CREB5: variants seen among roughly 807,000 people sequenced by gnomAD.
CREB5 encodes the protein cyclic AMP-responsive element-binding protein 5.
CREB5 carries 19 observed loss-of-function variants against 57.1 expected under a neutral mutation model. That is an observed-to-expected ratio of 0.33 (90% CI 0.23 to 0.49). CREB5 has a LOEUF of 0.49. CREB5 is among the 20% of genes least tolerant of loss of function. CREB5 has a pLI of 0.99. For missense variants in CREB5, 579 were observed against 671.6 expected (o/e 0.86, Z 1.52); for synonymous variants, 238 against 238.3 (o/e 1.00, Z 0.01).
chr7:28,732,169 G>A lies in CREB5; in HGVS notation c.702+7837G>A, dbSNP rs1048988072. Reference sequence around the variant, plus strand: ...CCCTACCTTCTCCACCCTCACAACCGGCTCCTTGTACACACACTCAGACAT... The same window carrying A: ...CCCTACCTTCTCCACCCTCACAACCAGCTCCTTGTACACACACTCAGACAT... On this transcript the variant is annotated intron_variant, in intron 7 of 10. Transcript: ENST00000357727. Among the ~76,000 whole-genome samples the A allele has an allele frequency of 2.5e-4, 38 of 151,904 alleles. No homozygotes were observed. The South Asian group carries it at 3.3e-3, about 13-fold the overall frequency.
chr7:28,664,055 A>T (rs1442131471), intron 5 of CREB5, among the ~76,000 whole-genome samples: 1 of 152,194 alleles, frequency 6.6e-6, no homozygotes, highest in Non-Finnish European at 1.5e-5. Context: ...AAGAATTTGC[A>T]TTTCTAGCAA....
chr7:28,679,796 C>T (rs1056633877), intron 5 of CREB5, among the ~76,000 whole-genome samples: 7 of 152,140 alleles, frequency 4.6e-5, no homozygotes, highest in African/African-American at 7.2e-5. Context: ...TACAAAACAG[C>T]GAATGGTCGC....
intron 5 of CREB5, among the ~76,000 whole-genome samples, chr7:28,699,638 A>G (rs1801744782): frequency 6.6e-6 from 1 of 152,238 alleles, no homozygotes. Context: ...ATTGAACTGT[A>G]TAAATGAAAA....
chr7:28,652,220 C>G (rs887910597), intron 5 of CREB5, among the ~76,000 whole-genome samples: 4 of 151,984 alleles, frequency 2.6e-5, no homozygotes, highest in African/African-American at 9.7e-5. Flanking sequence ...TTTTTCTACT[C>G]TCAATATTAG....
At chr7:28,439,899 T>C (rs988172981) in intron 1 of CREB5, among the ~76,000 whole-genome samples, 33 of 152,168 alleles carry the variant, frequency 2.2e-4, no homozygotes, top group Admixed American at 3.3e-4. Flanking sequence ...CAGAGCCTAG[T>C]AAAAAGCCTA....
At chr7:28,491,814 C>T (rs1180026932) in intron 2 of CREB5, among the ~76,000 whole-genome samples, 1 of 152,106 alleles carries the variant, frequency 6.6e-6, no homozygotes. Flanking sequence ...TGTCCTACAG[C>T]CTGGGAACCT....
chr7:28,399,311 G>A lies in CREB5; in HGVS notation c.-24-95595G>A, dbSNP rs142130846. On this transcript the variant is annotated intron_variant, in intron 1 of 9. Coordinates refer to the CREB5 transcript ENST00000396299. ...AAAAAATCTACAAAATAAGTGATAG[G>A]AAAATGGCTTCAGTCAACAGCCAAG... Among the ~76,000 whole-genome samples, 1,260 of 150,370 alleles carry A rather than the reference G, an allele frequency of 8.4e-3. 12 individuals carry two copies. The highest frequency in any genetic ancestry group is 0.029 in the African/African-American group (1,204 of 40,944).
At chr7:28,440,312 C>T (rs571962885) in intron 1 of CREB5, among the ~76,000 whole-genome samples, 5 of 152,096 alleles carry the variant, frequency 3.3e-5, no homozygotes, top group Admixed American at 6.6e-5. Context: ...GTTTTCCTGA[C>T]GAGTTATAGA....
At chr7:28,718,705 G>A (rs1304983135) in intron 5 of CREB5, 48 bp from the exon 6 acceptor site, 1 of 1,605,850 alleles carries the variant, frequency 6.2e-7, no homozygotes, top group Non-Finnish European at 8.5e-7. Context: ...GGGGAGACAG[G>A]GCCAGGGCAC....
At chr7:28,669,726 C>T (rs1799956265) in intron 5 of CREB5, among the ~76,000 whole-genome samples, 1 of 152,208 alleles carries the variant, frequency 6.6e-6, no homozygotes, top group Admixed American at 6.5e-5. Flanking sequence ...ACAAGCCAAG[C>T]TCATAGAAGT....
intron 1 of CREB5, among the ~76,000 whole-genome samples, chr7:28,337,170 A>G (rs1189468248): frequency 1.3e-5 from 2 of 152,094 alleles, no homozygotes; most frequent in Non-Finnish European, 2.9e-5. Flanking sequence ...TGTATACTGC[A>G]GCTGTTGGAT....
At chr7:28,376,747 T>C (rs558293370) in intron 1 of CREB5, among the ~76,000 whole-genome samples, 23 of 152,298 alleles carry the variant, frequency 1.5e-4, no homozygotes, top group Middle Eastern at 3.4e-3. Context: ...TTCAGCCTCA[T>C]ATCAGAGCCT....
At chr7:28,591,901 A>G (rs1796535198) in intron 5 of CREB5, among the ~76,000 whole-genome samples, 1 of 152,202 alleles carries the variant, frequency 6.6e-6, no homozygotes, top group Admixed American at 6.5e-5. Context: ...TAGAACAGCA[A>G]GTGAAGAAGC....
chr7:28,627,216 G>A (rs1020723991), intron 5 of CREB5, among the ~76,000 whole-genome samples: 1 of 152,196 alleles, frequency 6.6e-6, no homozygotes, highest in Non-Finnish European at 1.5e-5. Context: ...AGTTGCCTTG[G>A]TATTGTCAGC....
At chr7:28,349,250 A>G (rs544072841) in intron 1 of CREB5, among the ~76,000 whole-genome samples, 1 of 152,330 alleles carries the variant, frequency 6.6e-6, no homozygotes, top group East Asian at 1.9e-4. Context: ...GGAAGGTTAA[A>G]AGAAAATATC....
At chr7:28,737,497 CTCTCTCTCTG>C (rs1669412429) in intron 7 of CREB5, among the ~76,000 whole-genome samples, 1 of 144,702 alleles carries the variant, frequency 6.9e-6, no homozygotes, top group African/African-American at 2.6e-5. Flanking sequence ...CTCTCTCTCT[CTCTCTCTCTG>C]TGTGTGTGTG....
chr7:28,817,362 T>C (rs964274515), intron 9 of CREB5, among the ~76,000 whole-genome samples: 1 of 152,172 alleles, frequency 6.6e-6, no homozygotes. Context: ...CCATGAACAG[T>C]AATTGAGTAG....
chr7:28,688,303 C>G (rs1801057049), intron 5 of CREB5, among the ~76,000 whole-genome samples: 1 of 152,076 alleles, frequency 6.6e-6, no homozygotes, highest in Non-Finnish European at 1.5e-5. Flanking sequence ...GGAGAATTCA[C>G]CTGCCCAGAA....
chr7:28,731,413 AT>A (rs1350854395), intron 7 of CREB5, among the ~76,000 whole-genome samples: 1 of 152,228 alleles, frequency 6.6e-6, no homozygotes, highest in Non-Finnish European at 1.5e-5. Flanking sequence ...GAGAATATAC[AT>A]TCGATTATGT....
Sources: allele counts gnomAD v4.1 joint callset (sites outside exome capture counted in the v4.1 genomes callset), GRCh38; gene constraint gnomAD v4.1.1; transcripts MANE v1.5; gene names NCBI Gene and HGNC (gene_info 2026-07-23, HGNC 2026-07-21).